Variants in TXLNB observed in about 807,000 individuals in gnomAD.
The protein encoded by TXLNB is taxilin beta, also known as beta-taxilin.
A neutral mutation model predicts 57.4 loss-of-function variants in TXLNB; 37 were observed. That is an observed-to-expected ratio of 0.64 (90% CI 0.50 to 0.85). The LOEUF is 0.85. TXLNB is among the 40% of genes least tolerant of loss of function. TXLNB has a pLI of 0.00. For missense variants in TXLNB, 848 were observed against 825.6 expected (o/e 1.03, Z -0.33); for synonymous variants, 302 against 309.6 (o/e 0.98, Z 0.26).
chr6:139,242,592 TGGCAGCTCCTCTGCTGCTGCTCGTGGG>T lies in TXLNB; in HGVS notation c.1962_1988del (p.Pro655_Pro663del), dbSNP rs1562269403. The T allele has an allele frequency of 1.9e-6, 3 of 1,546,554 alleles. No homozygotes were observed. Among genetic ancestry groups the T allele is most frequent in the Admixed American group, 2.1e-5 (1 of 48,336 alleles). On this transcript the variant is annotated inframe_deletion, in exon 10 of 10. Transcript: ENST00000358430. ...GCTGGGGCCCAGCTGAGGCCCCTAC[TGGCAGCTCCTCTGCTGCTGCTCGTGGG>T]GGCTGCCTACTGGGCTCGCATGCAG...
the TXLNB span, among the ~76,000 whole-genome samples, chr6:139,213,763 CAAAT>C: frequency 1.3e-5 from 2 of 152,024 alleles, no homozygotes; most frequent in Non-Finnish European, 2.9e-5. Context: ...AGAGAAGAAT[CAAAT>C]AAACGCAATA....
intron 1 of TXLNB, among the ~76,000 whole-genome samples, chr6:139,290,470 T>C (rs551248928): frequency 5.9e-5 from 9 of 152,308 alleles, no homozygotes; most frequent in Admixed American, 2.6e-4. Context: ...TATAAACCAA[T>C]TTTTTAAAAG....
rs1269638838 is a variant in TXLNB at position 139,281,650 on chromosome 6, G to A, written c.425-4729C>T. Among the ~76,000 whole-genome samples, 16 of 100,676 alleles carry A rather than the reference G, an allele frequency of 1.6e-4. No individual in the cohort carries two copies. The South Asian group carries it at 3.6e-3, about 23-fold the overall frequency. 66.0% of individuals were successfully genotyped at this position (100,676 alleles called of 152,430 possible). A position where few individuals can be genotyped will look rare whatever the true frequency, so the allele number is the denominator to read the frequency against. On this transcript the variant is annotated intron_variant, in intron 2 of 9. Coordinates refer to ENST00000358430, the MANE Select transcript of TXLNB (RefSeq NM_153235.4). ...TGCAAGCTCCGCCTCCCGGGTTCAC[G>A]CCATTCTCCTGCCTCAGCCTCCCGA...
the TXLNB span, among the ~76,000 whole-genome samples, chr6:139,196,074 C>CTTTGGG: frequency 6.6e-6 from 1 of 151,910 alleles, no homozygotes; most frequent in Non-Finnish European, 1.5e-5. Context: ...TAATAGTTGT[C>CTTTGGG]AGCAGCAAAT....
chr6:139,292,318 C>T (rs889832158), upstream of TXLNB, among the ~76,000 whole-genome samples: 3 of 152,114 alleles, frequency 2.0e-5, no homozygotes, highest in Non-Finnish European at 4.4e-5. The surrounding 1 kb of genome is among the most constrained non-coding windows in gnomAD (Gnocchi z 4.0). Context: ...TATATTACCC[C>T]CGTTGCAAAT....
chr6:139,203,475 C>T, the TXLNB span: 1 of 152,338 alleles, frequency 6.6e-6, no homozygotes, highest in East Asian at 1.9e-4. Context: ...AGCTTAACCT[C>T]TCAGCAGCAC....
chr6:139,297,392 T>A, the TXLNB span, among the ~76,000 whole-genome samples: 1 of 152,210 alleles, frequency 6.6e-6, no homozygotes, highest in Non-Finnish European at 1.5e-5. Context: ...GAGACTTGGT[T>A]GTTCTTTCTT....
the TXLNB span, among the ~76,000 whole-genome samples, chr6:139,190,172 T>A: frequency 2.0e-5 from 3 of 152,208 alleles, no homozygotes; most frequent in African/African-American, 7.2e-5. Context: ...CTGTTCAGGC[T>A]GCTATAACAA....
In TXLNB at chr6:139,270,591, C is replaced by T; in HGVS notation, c.552G>A (p.Lys184=). Residue 184 remains lysine (K), a synonymous_variant, in exon 4 of 10, where the codon AAG becomes AAA. Transcript: ENST00000358430. ...DEHRTEQKKL[K]LLQKKQVQIQ... The stretch of plus-strand genomic sequence containing the variant: ...TTTGTACCTGTTTCTTTTGGAGGAG[C>T]TTTAACTTCTTTTGCTCAGTACGAT... 6.2e-7 allele frequency: 1 copy of T among 1,614,082 alleles called. No homozygotes were observed. The highest frequency in any genetic ancestry group is 8.5e-7 in the Non-Finnish European group (1 of 1,179,986).
At chr6:139,185,562 G>T in the TXLNB span, among the ~76,000 whole-genome samples, 1 of 152,098 alleles carries the variant, frequency 6.6e-6, no homozygotes, top group African/African-American at 2.4e-5. Context: ...TTAGCCGGAC[G>T]TGGTGGTGGG....
the TXLNB span, among the ~76,000 whole-genome samples, chr6:139,175,138 C>T: frequency 6.6e-6 from 1 of 152,014 alleles, no homozygotes; most frequent in African/African-American, 2.4e-5. Flanking sequence ...ATTTAGCTGT[C>T]ATCAGAAAAA....
chr6:139,314,329 A>C, the TXLNB span, among the ~76,000 whole-genome samples: 1 of 152,222 alleles, frequency 6.6e-6, no homozygotes, highest in Non-Finnish European at 1.5e-5. Flanking sequence ...CTTGGCTTCC[A>C]CAACGCCCTG....
the TXLNB span, among the ~76,000 whole-genome samples, chr6:139,192,538 C>A: frequency 3.9e-5 from 6 of 152,110 alleles, no homozygotes; most frequent in South Asian, 2.1e-4. Flanking sequence ...TACCAAGTGT[C>A]TAGAACAGTG....
chr6:139,267,512 A>G (rs1052753058), intron 4 of TXLNB, among the ~76,000 whole-genome samples: 1 of 152,206 alleles, frequency 6.6e-6, no homozygotes, highest in African/African-American at 2.4e-5. Context: ...AAAATACAAG[A>G]GATGAAATGT....
chr6:139,296,068 T>C (rs1314955275), upstream of TXLNB, among the ~76,000 whole-genome samples: 1 of 152,184 alleles, frequency 6.6e-6, no homozygotes, highest in African/African-American at 2.4e-5. Flanking sequence ...TGGTGGCTTC[T>C]AGGCCTGCTA....
chr6:139,209,281 T>G, the TXLNB span, among the ~76,000 whole-genome samples: 1 of 152,054 alleles, frequency 6.6e-6, no homozygotes, highest in Non-Finnish European at 1.5e-5. Flanking sequence ...TACAAAACAC[T>G]GCGGAAAGAA....
chr6:139,188,797 C>T, the TXLNB span, among the ~76,000 whole-genome samples: 2 of 150,014 alleles, frequency 1.3e-5, no homozygotes, highest in African/African-American at 5.1e-5. Context: ...CTCTGTCGCC[C>T]AGGCTGGAAT....
chr6:139,305,891 A>G, the TXLNB span, among the ~76,000 whole-genome samples: 1 of 152,144 alleles, frequency 6.6e-6, no homozygotes, highest in Admixed American at 6.6e-5. Flanking sequence ...ATGAGTTTGC[A>G]TTTTTTTAAT....
In TXLNB at chr6:139,247,833, T is replaced by C. The variant is rs1232196277; in HGVS notation, c.1154A>G (p.Lys385Arg). Residue 385 changes from lysine (K) to arginine (R), a missense_variant, in exon 8 of 10, where the codon AAA becomes AGA. Transcript: ENST00000358430. The stretch of plus-strand genomic sequence containing the variant: ...AATACTCACTTTGTCCATTTCCTGT[T>C]TGAACGTGGCAAACACCTCGTTGCT... ...TKSNEVFATF[K>R]QEMDKTTKKM... 6.2e-7 allele frequency: 1 copy of C among 1,605,136 alleles called. No individual in the cohort carries two copies. Among genetic ancestry groups the C allele is most frequent in the Non-Finnish European group, 8.5e-7 (1 of 1,175,546 alleles).
Sources: gnomAD v4.1 joint callset for allele counts (sites outside exome capture counted in the v4.1 genomes callset) on GRCh38, gnomAD v4.1.1 for gene constraint, Gnocchi (gnomAD v3.1) non-coding constraint, MANE v1.5 for transcripts, NCBI Gene and HGNC (gene_info 2026-07-23, HGNC 2026-07-21) for gene names.